FOXI1: variants seen among roughly 807,000 people sequenced by gnomAD.
FOXI1 encodes the protein forkhead box I1.
Under a neutral mutation model 16.4 loss-of-function variants are expected in FOXI1, and 11 were observed. The ratio of observed to expected loss-of-function variants is 0.67; its 90% CI spans 0.42 to 1.11. The LOEUF (loss-of-function observed/expected upper bound fraction) is 1.11. Among genes scored for constraint, FOXI1 ranks in the 50% least tolerant of loss-of-function variants. FOXI1 has a pLI of 0.00. For synonymous variants in FOXI1, 218 were observed against 211.5 expected (o/e 1.03, Z -0.27); for missense variants, 480 against 506.1 (o/e 0.95, Z 0.49).
rs1438546286 is a variant in FOXI1 at position 170,106,436 on chromosome 5, A to G, written c.479A>G (p.Tyr160Cys). The stretch of plus-strand genomic sequence containing the variant: ...TACGTGGCCGACAACTTCCCCTTCT[A>G]CAACAAGAGCAAGGCCGGCTGGCAG... The part of the protein sequence containing the change: ...YQYVADNFPF[Y>C]NKSKAGWQNS... The change falls in exon 1 of 2, where the codon TAC becomes TGC. Residue 160 changes from tyrosine (Y) to cysteine (C), a missense_variant. Physicochemically the swap from Tyr to Cys is radical, Grantham distance 194. Coordinates refer to ENST00000306268, the MANE Select transcript of FOXI1 (RefSeq NM_012188.5). The G allele has an allele frequency of 6.2e-7, 1 of 1,614,232 alleles. No homozygotes were observed. Among genetic ancestry groups the G allele is most frequent in the Non-Finnish European group, 8.5e-7 (1 of 1,180,032 alleles).
rs1325897462 is a variant in FOXI1 at position 170,106,008 on chromosome 5, G to C, written c.51G>C (p.Gln17His). 6.2e-7 allele frequency: 1 copy of C among 1,612,280 alleles called. No homozygotes were observed. Among genetic ancestry groups the C allele is most frequent in the Non-Finnish European group, 8.5e-7 (1 of 1,178,808 alleles). Residue 17 changes from glutamine (Q) to histidine (H), a missense_variant, in exon 1 of 2, where the codon CAG becomes CAC. Around this residue, in one of 3 missense-constraint regions of FOXI1, gnomAD observed 219 missense variants for 222.9 expected, o/e 0.98. Coordinates refer to ENST00000306268, the MANE Select transcript of FOXI1 (RefSeq NM_012188.5). The stretch of plus-strand genomic sequence containing the variant: ...CCTCCCCACCTCGCTGCAGCCCCCA[G>C]TTCCCCAGCATCGGCCAGGAGCCCC... ...PAPSPPRCSPQFPSIGQEPPE... is the reference protein window; with the variant it reads ...PAPSPPRCSPHFPSIGQEPPE...
chr5:170,106,120 T>C lies in FOXI1; in HGVS notation c.163T>C (p.Tyr55His). Residue 55 changes from tyrosine (Y) to histidine (H), a missense_variant, in exon 1 of 2, where the codon TAT (tyrosine) becomes CAT (histidine). Physicochemically the swap from Tyr to His is moderately conservative, Grantham distance 83. Around this residue, in one of 3 missense-constraint regions of FOXI1, gnomAD observed 219 missense variants for 222.9 expected, o/e 0.98. Transcript: ENST00000306268. ...QRPSFEGGGE[Y>H]GATPNPYLWF... ...GCCCTCCTTCGAGGGGGGCGGCGAG[T>C]ATGGGGCCACCCCCAACCCCTACCT... 3 of 1,610,568 alleles carry C rather than the reference T, an allele frequency of 1.9e-6. No homozygotes were observed. The highest frequency in any genetic ancestry group is 1.7e-6 in the Non-Finnish European group (2 of 1,178,824).
At position 170,108,606 on chromosome 5, in the gene FOXI1, G is replaced by C. The variant is rs147580330; in HGVS notation, c.1132G>C (p.Val378Leu). 3.7e-6 allele frequency: 6 copies of C among 1,612,218 alleles called. No individual in the cohort carries two copies. The African/African-American group carries it at 8.0e-5, about 22-fold the overall frequency. The change falls in exon 2 of 2, where the codon GTC becomes CTC. Residue 378 changes from valine to leucine, a missense_variant. By Grantham distance (32) the Val-to-Leu change is conservative. Around this residue, in one of 3 missense-constraint regions of FOXI1, gnomAD observed 257 missense variants for 262.2 expected, o/e 0.98. Coordinates refer to ENST00000306268, the MANE Select transcript of FOXI1 (RefSeq NM_012188.5). ...CCTCTACCCCAGGGAGGGCACCGAGGTCTAGGTACAGAACAGCTCCTGAGC... is the reference window on the plus strand; with the variant it reads ...CCTCTACCCCAGGGAGGGCACCGAGCTCTAGGTACAGAACAGCTCCTGAGC... ...GVLYPREGTE[V>L]
chr5:170,107,828 C>G lies in FOXI1; in HGVS notation c.575-221C>G, dbSNP rs554847447. ...TGCAAACTCCTTAATGCTCATGCCT[C>G]TCGGCTGCAGTCCCAAAGGGCCCTG... On this transcript the variant is annotated intron_variant, in intron 1 of 1. Transcript: ENST00000306268. Among the ~76,000 whole-genome samples, 163 of 152,330 alleles carry G rather than the reference C, an allele frequency of 1.1e-3. 1 individual carries two copies. The highest frequency in any genetic ancestry group is 3.7e-3 in the African/African-American group (154 of 41,570).
In FOXI1 at chr5:170,105,910, C is replaced by T; in HGVS notation, c.-48C>T. The T allele has an allele frequency of 7.1e-7, 1 of 1,406,732 alleles. No individual in the cohort carries two copies. Among genetic ancestry groups the T allele is most frequent in the Non-Finnish European group, 1.0e-6 (1 of 1,002,616 alleles). The allele number at this position is 1,406,732 out of a possible 1,614,324, so 87.1% of individuals were successfully genotyped here. Reference sequence around the variant, plus strand: ...TGCTGAGCACCTGTCAGGGGCAGCTCCGGGGTGCAGGTGCCAGGCAGGTGG... The same window carrying T: ...TGCTGAGCACCTGTCAGGGGCAGCTTCGGGGTGCAGGTGCCAGGCAGGTGG... On this transcript the variant is annotated 5_prime_UTR_variant, in exon 1 of 2. Coordinates refer to ENST00000306268, the MANE Select transcript of FOXI1 (RefSeq NM_012188.5).
At position 170,108,222 on chromosome 5, in the gene FOXI1, G is replaced by A. The variant is rs1411403448; in HGVS notation, c.748G>A (p.Asp250Asn). 1.2e-6 allele frequency: 2 copies of A among 1,614,182 alleles called. No individual in the cohort carries two copies. Among genetic ancestry groups the A allele is most frequent in the Non-Finnish European group, 1.7e-6 (2 of 1,180,026 alleles). Residue 250 changes from aspartate to asparagine, a missense_variant, in exon 2 of 2, where the codon GAC becomes AAC. By Grantham distance (23) the Asp-to-Asn change is conservative. Around this residue, in one of 3 missense-constraint regions of FOXI1, gnomAD observed 257 missense variants for 262.2 expected, o/e 0.98. Transcript: ENST00000306268. ...CAGCCCCAAGACCACGGAGCCTCAG[G>A]ACATCTTGGATGGAGCCTCACCAGG... ...VDSPKTTEPQ[D>N]ILDGASPGGT...
chr5:170,108,125 G>A lies in FOXI1; in HGVS notation c.651G>A (p.Lys217=). Residue 217 remains lysine, a synonymous_variant, in exon 2 of 2, where the codon AAG becomes AAA. Transcript: ENST00000306268. Reference sequence around the variant, plus strand: ...ATGGAAATTTCCGCAGGAAAAGGAAGAGAAAATCAGATGTTTCCTCTAGCA... The same window carrying A: ...ATGGAAATTTCCGCAGGAAAAGGAAAAGAAAATCAGATGTTTCCTCTAGCA... The part of the protein sequence containing the change: ...FDNGNFRRKR[K]RKSDVSSSTA... The A allele has an allele frequency of 6.2e-7, 1 of 1,614,220 alleles. No homozygotes were observed. Among genetic ancestry groups the A allele is most frequent in the East Asian group, 2.2e-5 (1 of 44,884 alleles).
Position 170,108,335 on chromosome 5 carries a change from C to T in FOXI1, c.861C>T (p.Ala287=). ...CLNSFLSSMT[A]YVSGGSPTSH... ...ACAGCTTCCTTTCCTCTATGACAGC[C>T]TATGTGAGCGGGGGGAGCCCCACGA... Residue 287 remains alanine, a synonymous_variant, in exon 2 of 2, where the codon GCC becomes GCT. Transcript: ENST00000306268. 1 of 1,614,200 alleles carries T rather than the reference C, an allele frequency of 6.2e-7. No individual in the cohort carries two copies. Among genetic ancestry groups the T allele is most frequent in the Non-Finnish European group, 8.5e-7 (1 of 1,180,036 alleles).
intron 1 of FOXI1, 52 bp downstream of exon 1, chr5:170,106,583 C>T (rs56128217): frequency 0.011 from 17,231 of 1,604,764 alleles, 95 homozygotes; most frequent in Non-Finnish European, 0.013. Context: ...TCACTTCCTT[C>T]CTCCCCAAGA....
At chr5:170,107,553 C>T (rs986443814) in intron 1 of FOXI1, among the ~76,000 whole-genome samples, 11 of 152,126 alleles carry the variant, frequency 7.2e-5, no homozygotes, top group African/African-American at 2.7e-4. Context: ...CTCAGTGGGC[C>T]TGAGGAAGAC....
intron 1 of FOXI1, chr5:170,106,959 C>T (rs1345937016): frequency 6.1e-6 from 6 of 984,760 alleles, no homozygotes; most frequent in African/African-American, 1.7e-5. Flanking sequence ...ATGACTGGAC[C>T]AACCAAAGCC....
In FOXI1 at chr5:170,108,090, A is replaced by G; in HGVS notation, c.616A>G (p.Met206Val). 6.2e-7 allele frequency: 1 copy of G among 1,614,156 alleles called. No individual in the cohort carries two copies. The highest frequency in any genetic ancestry group is 8.5e-7 in the Non-Finnish European group (1 of 1,180,042). Reference protein sequence around the residue: ...YWTLDPNCEKMFDNGNFRRKR... With the variant: ...YWTLDPNCEKVFDNGNFRRKR... The stretch of plus-strand genomic sequence containing the variant: ...GACCCTGGACCCCAACTGTGAGAAA[A>G]TGTTCGACAATGGAAATTTCCGCAG... Residue 206 changes from methionine (M) to valine (V), a missense_variant, in exon 2 of 2, where the codon ATG becomes GTG. Physicochemically the swap from Met to Val is conservative, Grantham distance 21. Coordinates refer to ENST00000306268, the MANE Select transcript of FOXI1 (RefSeq NM_012188.5).
In FOXI1 at chr5:170,108,805, C is replaced by T. The variant is rs1758581900; in HGVS notation, c.*194C>T. The T allele has an allele frequency of 1.6e-6, 1 of 611,876 alleles. No homozygotes were observed. Among genetic ancestry groups the T allele is most frequent in the Non-Finnish European group, 2.9e-6 (1 of 344,358 alleles). 37.9% of individuals were successfully genotyped at this position (611,876 alleles called of 1,614,324 possible). A position where few individuals can be genotyped will look rare whatever the true frequency, so the allele number is the denominator to read the frequency against. The stretch of plus-strand genomic sequence containing the variant: ...CACATAGGCCCACACACAGACTCAC[C>T]AACTTTGCAATAGAAATACTGGTGC... On this transcript the variant is annotated 3_prime_UTR_variant, in exon 2 of 2. Transcript: ENST00000306268.
intron 1 of FOXI1, 46 bp from the exon 2 acceptor site, chr5:170,108,003 G>T: frequency 1.4e-6 from 2 of 1,457,424 alleles, no homozygotes; most frequent in Non-Finnish European, 1.9e-6. Flanking sequence ...CAGAAGCAAA[G>T]CATTTTGTCC....
At position 170,106,094 on chromosome 5, in the gene FOXI1, G is replaced by C. The variant is rs770196010; in HGVS notation, c.137G>C (p.Arg46Pro). ...FHPQGVPSPQ[R>P]PSFEGGGEYG... is the part of the protein sequence containing the mutation. ...CCACAGGGCGTGCCCAGCCCTCAGCGGCCCTCCTTCGAGGGGGGCGGCGAG... is the reference window on the plus strand; with the variant it reads ...CCACAGGGCGTGCCCAGCCCTCAGCCGCCCTCCTTCGAGGGGGGCGGCGAG... The change falls in exon 1 of 2, where the codon CGG (arginine) becomes CCG (proline). Residue 46 changes from arginine to proline, a missense_variant. Transcript: ENST00000306268. 2 of 1,612,884 alleles carry C rather than the reference G, an allele frequency of 1.2e-6. No individual in the cohort carries two copies. The highest frequency in any genetic ancestry group is 1.7e-6 in the Non-Finnish European group (2 of 1,179,514).
Position 170,106,743 on chromosome 5 carries a change from T to C in FOXI1, c.574+212T>C, listed in dbSNP as rs1266109381. 4.6e-5 allele frequency among the ~76,000 whole-genome samples: 7 copies of C among 152,358 alleles called. 1 individual carries two copies. The South Asian group carries it at 1.5e-3, about 32-fold the overall frequency. The stretch of plus-strand genomic sequence containing the variant: ...CCTGGCTGTGCTCCTGCCCAGTCAG[T>C]GACCTCTGGCAGGTTAGACCTCAGA... On this transcript the variant is annotated intron_variant, in intron 1 of 1. Transcript: ENST00000306268.
rs759549235 is a variant in FOXI1 at position 170,105,914 on chromosome 5, G to A, written c.-44G>A. 1.2e-5 allele frequency: 17 copies of A among 1,422,918 alleles called. No individual in the cohort carries two copies. Among genetic ancestry groups the A allele is most frequent in the Non-Finnish European group, 1.7e-5 (17 of 1,014,880 alleles). The allele number at this position is 1,422,918 out of a possible 1,614,324, so 88.1% of individuals were successfully genotyped here. ...GAGCACCTGTCAGGGGCAGCTCCGG[G>A]GTGCAGGTGCCAGGCAGGTGGCTCC... On this transcript the variant is annotated 5_prime_UTR_variant, in exon 1 of 2. Coordinates refer to ENST00000306268, the MANE Select transcript of FOXI1 (RefSeq NM_012188.5).
At position 170,108,595 on chromosome 5, in the gene FOXI1, A is replaced by G; in HGVS notation, c.1121A>G (p.Glu374Gly). 1 of 1,613,108 alleles carries G rather than the reference A, an allele frequency of 6.2e-7. No individual in the cohort carries two copies. Among genetic ancestry groups the G allele is most frequent in the Non-Finnish European group, 8.5e-7 (1 of 1,179,706 alleles). The change falls in exon 2 of 2, where the codon GAG (glutamate) becomes GGG (glycine). Residue 374 changes from glutamate to glycine, a missense_variant. By Grantham distance (98) the Glu-to-Gly change is moderately conservative (BLOSUM62 -2). This residue lies in a region of FOXI1 where 257 missense variants were observed against 262.2 expected (regional missense o/e 0.98). Transcript: ENST00000306268. The part of the protein sequence containing the change: ...VNTSGVLYPR[E>G]GTEV Reference sequence around the variant, plus strand: ...ACCAGTGGTGTCCTCTACCCCAGGGAGGGCACCGAGGTCTAGGTACAGAAC... The same window carrying G: ...ACCAGTGGTGTCCTCTACCCCAGGGGGGGCACCGAGGTCTAGGTACAGAAC...
At chr5:170,107,047 C>T (rs1758513304) in intron 1 of FOXI1, 2 of 973,778 alleles carry the variant, frequency 2.1e-6, no homozygotes, top group Non-Finnish European at 2.4e-6. Flanking sequence ...TGCTGCCTGC[C>T]TTGTTTCTAC....
Sources: allele counts gnomAD v4.1 joint callset (sites outside exome capture counted in the v4.1 genomes callset), GRCh38; gene constraint gnomAD v4.1.1; regional missense constraint gnomAD v4.1.1; transcripts MANE v1.5; gene names NCBI Gene and HGNC (gene_info 2026-07-23, HGNC 2026-07-21).